Variants in GSDME observed in about 807,000 individuals in gnomAD.
GSDME encodes gasdermin E, also known as gasdermin-E.
GSDME carries 44 observed loss-of-function variants against 47.5 expected under a neutral mutation model. The ratio of observed to expected loss-of-function variants is 0.93; its 90% CI spans 0.73 to 1.19. GSDME has a LOEUF of 1.19. Among genes scored for constraint, GSDME ranks in the 50% most tolerant of loss-of-function variants. The pLI, the probability that GSDME is intolerant of heterozygous loss-of-function variation, is 0.00. For missense variants in GSDME, 663 were observed against 604.2 expected (o/e 1.10, Z -1.02); for synonymous variants, 258 against 252.8 (o/e 1.02, Z -0.20).
chr7:24,772,764 A>G, the GSDME span, among the ~76,000 whole-genome samples: 1 of 152,224 alleles, frequency 6.6e-6, no homozygotes, highest in African/African-American at 2.4e-5. The surrounding 1 kb of genome is among the most constrained non-coding windows in gnomAD (Gnocchi z 4.5). Flanking sequence ...CATGTAGTTC[A>G]GTAATATTTC....
chr7:24,788,742 T>C, the GSDME span, among the ~76,000 whole-genome samples: 2 of 152,208 alleles, frequency 1.3e-5, no homozygotes, highest in Non-Finnish European at 2.9e-5. The surrounding 1 kb of genome is among the most constrained non-coding windows in gnomAD (Gnocchi z 4.6). Flanking sequence ...CACCTTAGGA[T>C]GTCTCAGTAC....
chr7:24,789,913 C>T, the GSDME span, among the ~76,000 whole-genome samples: 1 of 152,164 alleles, frequency 6.6e-6, no homozygotes, highest in African/African-American at 2.4e-5. Flanking sequence ...TGAAGGAGTA[C>T]AGGTAGCAAA....
In GSDME at chr7:24,702,782, A is replaced by G; in HGVS notation, c.1235T>C (p.Ile412Thr). Residue 412 changes from isoleucine to threonine, a missense_variant, in exon 9 of 10, where the codon ATC becomes ACC. Physicochemically the swap from Ile to Thr is moderately conservative, Grantham distance 89. Transcript: ENST00000645220. ...TACCAAGTGGCACAGTGTGGGAATG[A>G]TCTGGAGTTTGCAGCAAGTGCCCAG... is the stretch of plus-strand genomic sequence containing the variant. ...ALLGTCCKLQ[I>T]IPTLCHLLRA... 1 of 1,613,588 alleles carries G rather than the reference A, an allele frequency of 6.2e-7. No individual in the cohort carries two copies. The highest frequency in any genetic ancestry group is 8.5e-7 in the Non-Finnish European group (1 of 1,179,648).
At position 24,757,073 on chromosome 7, in the gene GSDME, T is replaced by C. The variant is rs1384810841; in HGVS notation, c.-20+323A>G. Among the ~76,000 whole-genome samples the C allele has an allele frequency of 1.3e-5, 2 of 151,688 alleles. No homozygotes were observed. Among genetic ancestry groups the C allele is most frequent in the Non-Finnish European group, 2.9e-5 (2 of 67,946 alleles). On this transcript the variant is annotated intron_variant, in intron 1 of 9. Transcript: ENST00000645220. The surrounding 1 kb of genome is among the most constrained non-coding windows in gnomAD (Gnocchi z 5.9). Reference sequence around the variant, plus strand: ...GGAGAACGAAAATACCAGCTGCGCTTCCAACATCCAAGGAAGGAAGTGGCA... The same window carrying C: ...GGAGAACGAAAATACCAGCTGCGCTCCCAACATCCAAGGAAGGAAGTGGCA...
the GSDME span, among the ~76,000 whole-genome samples, chr7:24,779,353 G>A: frequency 6.6e-6 from 1 of 152,302 alleles, no homozygotes; most frequent in East Asian, 1.9e-4. The surrounding 1 kb of genome is among the most constrained non-coding windows in gnomAD (Gnocchi z 6.0). Flanking sequence ...AGAAGGAAAA[G>A]TTAATCTTAT....
At chr7:24,731,499 T>C (rs553005596) in intron 3 of GSDME, among the ~76,000 whole-genome samples, 2 of 152,252 alleles carry the variant, frequency 1.3e-5, no homozygotes, top group Non-Finnish European at 2.9e-5. Flanking sequence ...ATGCTGCACG[T>C]GGAAACGCCA....
intron 5 of GSDME, among the ~76,000 whole-genome samples, chr7:24,710,923 T>C (rs1241832755): frequency 1.3e-5 from 2 of 152,178 alleles, no homozygotes; most frequent in Non-Finnish European, 2.9e-5. Flanking sequence ...ACATGTTGAG[T>C]GAAAAATGGC....
At chr7:24,774,339 T>TC in the GSDME span, among the ~76,000 whole-genome samples, 2 of 111,308 alleles carry the variant, frequency 1.8e-5, no homozygotes, top group African/African-American at 7.1e-5. Context: ...CTCCCTCCCT[T>TC]CCTCCCTCCC....
chr7:24,744,923 C>CGTGTGTGTGTGTGTGTGTGTGTGTGT lies in GSDME; in HGVS notation c.212-195_212-170dup, dbSNP rs3038356. Among the ~76,000 whole-genome samples the CGTGTGTGTGTGTGTGTGTGTGTGTGT allele has an allele frequency of 7.1e-6, 1 of 140,110 alleles. No individual in the cohort carries two copies. The highest frequency in any genetic ancestry group is 2.7e-5 in the African/African-American group (1 of 37,056). The allele number at this position is 140,110 out of a possible 152,430, so 91.9% of individuals were successfully genotyped here. On this transcript the variant is annotated intron_variant, in intron 2 of 9. Coordinates refer to ENST00000645220, the MANE Select transcript of GSDME (RefSeq NM_001127453.2). The surrounding 1 kb of genome is among the most constrained non-coding windows in gnomAD (Gnocchi z 4.5). ...GTGTGGGCAAGAAAACAGGGCAGCA[C>CGTGTGTGTGTGTGTGTGTGTGTGTGT]GTGTGTGTGTGTGTGTGTGTGTGTG...
rs966767216 is a variant in GSDME, at chr7:24,707,189, A to C, written c.991-813T>G. 2.0e-5 allele frequency: 8 copies of C among 395,300 alleles called. No individual in the cohort carries two copies. In the Admixed American group the frequency reaches 2.8e-4, roughly 14 times the overall value. The allele number at this position is 395,300 out of a possible 1,614,324, so 24.5% of individuals were successfully genotyped here. A position where few individuals can be genotyped will look rare whatever the true frequency, so the allele number is the denominator to read the frequency against. On this transcript the variant is annotated intron_variant, in intron 7 of 9. Transcript: ENST00000645220. ...AATTTCAAGAGAGAAAAATAATATG[A>C]ACACTTCCCTGGAAACCATAAAGCA...
At chr7:24,748,277 G>T (rs1790740091) in intron 2 of GSDME, among the ~76,000 whole-genome samples, 1 of 150,784 alleles carries the variant, frequency 6.6e-6, no homozygotes, top group Non-Finnish European at 1.5e-5. Flanking sequence ...CTCCTGCCTC[G>T]GCCTCTTAAG....
At chr7:24,715,028 A>G (rs1584063696) in intron 5 of GSDME, among the ~76,000 whole-genome samples, 2 of 152,364 alleles carry the variant, frequency 1.3e-5, no homozygotes. Context: ...CTTTTTGGCC[A>G]TGAAGAAGAA....
chr7:24,755,856 T>C (rs1305312492), intron 1 of GSDME, among the ~76,000 whole-genome samples: 1 of 152,238 alleles, frequency 6.6e-6, no homozygotes. Context: ...GGAACATGTG[T>C]CATTTCCTTT....
Position 24,733,798 on chromosome 7 carries a change from C to G in GSDME, c.404+10764G>C, listed in dbSNP as rs1349260729. Among the ~76,000 whole-genome samples, 1 of 152,172 alleles carries G rather than the reference C, an allele frequency of 6.6e-6. No homozygotes were observed. Among genetic ancestry groups the G allele is most frequent in the Admixed American group, 6.5e-5 (1 of 15,278 alleles). ...ACATAGATTTCTAAGGTTTCCAACT[C>G]GAGGCCCTGACTCCTGGACAGCATC... On this transcript the variant is annotated intron_variant, in intron 3 of 9. Transcript: ENST00000645220. This position sits in a 1 kb window ranked among gnomAD's most constrained non-coding sequence, Gnocchi z 4.3.
At chr7:24,791,079 C>T in the GSDME span, among the ~76,000 whole-genome samples, 1 of 152,118 alleles carries the variant, frequency 6.6e-6, no homozygotes, top group Non-Finnish European at 1.5e-5. The surrounding 1 kb of genome is among the most constrained non-coding windows in gnomAD (Gnocchi z 4.8). Flanking sequence ...ATTCTCCGGG[C>T]TTGGTCTTGC....
chr7:24,750,935 C>T (rs1205547683), intron 1 of GSDME, among the ~76,000 whole-genome samples: 1 of 152,114 alleles, frequency 6.6e-6, no homozygotes, highest in African/African-American at 2.4e-5. Flanking sequence ...AAGAAAAAAA[C>T]TGAATTCCTC....
In GSDME at chr7:24,721,540, C is replaced by T. The variant is rs1373983436; in HGVS notation, c.405-2322G>A. ...CATGAACTGTTGGTAACAGGGCCCC[C>T]TCCTCATGGGGTTCCGTCAGGGTTT... On this transcript the variant is annotated intron_variant, in intron 3 of 9. Coordinates refer to ENST00000645220, the MANE Select transcript of GSDME (RefSeq NM_001127453.2). This position sits in a 1 kb window ranked among gnomAD's most constrained non-coding sequence, Gnocchi z 4.1. 6.6e-6 allele frequency among the ~76,000 whole-genome samples: 1 copy of T among 152,218 alleles called. No homozygotes were observed. The highest frequency in any genetic ancestry group is 2.4e-5 in the African/African-American group (1 of 41,452).
the GSDME span, among the ~76,000 whole-genome samples, chr7:24,784,703 G>A: frequency 6.7e-6 from 1 of 149,794 alleles, no homozygotes; most frequent in Non-Finnish European, 1.5e-5. Context: ...GGGACTACAG[G>A]TGCCTGCCAC....
At chr7:24,722,914 C>T (rs1282231933) in intron 3 of GSDME, among the ~76,000 whole-genome samples, 2 of 152,192 alleles carry the variant, frequency 1.3e-5, no homozygotes, top group Admixed American at 6.5e-5. Context: ...GGACCCACCA[C>T]AGCGCAGGAA....
Sources: allele counts gnomAD v4.1 joint callset (sites outside exome capture counted in the v4.1 genomes callset), GRCh38; gene constraint gnomAD v4.1.1; non-coding constraint Gnocchi (gnomAD v3.1); transcripts MANE v1.5; gene names NCBI Gene and HGNC (gene_info 2026-07-23, HGNC 2026-07-21).